Variants in NSUN4 observed in about 807,000 individuals in gnomAD.
The protein encoded by NSUN4 is 5-cytosine rRNA methyltransferase NSUN4.
NSUN4 carries 31 observed loss-of-function variants against 43.8 expected under a neutral mutation model. That is an observed-to-expected ratio of 0.71 (90% CI 0.53 to 0.96). The LOEUF (loss-of-function observed/expected upper bound fraction) is 0.96. Among genes scored for constraint, NSUN4 ranks in the 40% least tolerant of loss-of-function variants. The probability of loss-of-function intolerance (pLI) is 0.00; values close to 1 mark genes in which losing one functional copy is unlikely to be tolerated. For missense variants in NSUN4, 439 were observed against 475.6 expected (o/e 0.92, Z 0.72); for synonymous variants, 167 against 184.1 (o/e 0.91, Z 0.75).
intron 4 of NSUN4, among the ~76,000 whole-genome samples, chr1:46,358,671 A>T (rs1663577921): frequency 6.6e-6 from 1 of 152,088 alleles, no homozygotes; most frequent in Admixed American, 6.5e-5. Context: ...AAGTGCTGGA[A>T]TTACAGGTAT....
chr1:46,356,014 CAAAA>C (rs56024628), intron 4 of NSUN4, among the ~76,000 whole-genome samples: 3 of 123,708 alleles, frequency 2.4e-5, no homozygotes, highest in African/African-American at 3.2e-5. Flanking sequence ...GACTTTGTCT[CAAAA>C]AAAAAAAAAA....
Position 46,342,858 on chromosome 1 carries a change from G to A in NSUN4, c.93+1939G>A, listed in dbSNP as rs1306058202. On this transcript the variant is annotated intron_variant, in intron 1 of 5. Coordinates refer to ENST00000474844, the MANE Select transcript of NSUN4 (RefSeq NM_199044.4). The stretch of plus-strand genomic sequence containing the variant: ...CACCCCTTCTGGCCAGCCCAAGCCC[G>A]CTAAGGCCCACACCTGTCCCCCACC... The A allele has an allele frequency of 4.0e-5, 16 of 399,044 alleles. No individual in the cohort carries two copies. The East Asian group carries it at 5.7e-4, about 14-fold the overall frequency. 24.7% of individuals were successfully genotyped at this position (399,044 alleles called of 1,614,324 possible).
At chr1:46,357,716 C>CTT (rs962341225) in intron 4 of NSUN4, among the ~76,000 whole-genome samples, 4 of 147,960 alleles carry the variant, frequency 2.7e-5, no homozygotes, top group African/African-American at 7.4e-5. Context: ...ACTCCTACAG[C>CTT]TTTTTTTTTT....
At chr1:46,374,595 G>A in the NSUN4 span, among the ~76,000 whole-genome samples, 1 of 151,576 alleles carries the variant, frequency 6.6e-6, no homozygotes, top group Admixed American at 6.6e-5. Flanking sequence ...GACAACAGAG[G>A]GAGACTCTGT....
rs867686628 is a variant in NSUN4 at position 46,360,261 on chromosome 1, T to A, written c.754-443T>A. ...AAAAAAAAAAAAAAATATATATATATATATATATATATATATGTAAATTAG... is the reference window on the plus strand; with the variant it reads ...AAAAAAAAAAAAAAATATATATATAAATATATATATATATATGTAAATTAG... On this transcript the variant is annotated intron_variant, in intron 4 of 5. Coordinates refer to ENST00000474844, the MANE Select transcript of NSUN4 (RefSeq NM_199044.4). Among the ~76,000 whole-genome samples the A allele has an allele frequency of 1.6e-3, 144 of 91,684 alleles. 1 individual carries two copies. Among genetic ancestry groups the A allele is most frequent in the South Asian group, 5.3e-3 (11 of 2,092 alleles). 60.1% of individuals were successfully genotyped at this position (91,684 alleles called of 152,430 possible).
chr1:46,360,015 G>A (rs530799933), intron 4 of NSUN4, among the ~76,000 whole-genome samples: 17 of 150,922 alleles, frequency 1.1e-4, no homozygotes, highest in Non-Finnish European at 2.2e-4. Context: ...AGATCATGAG[G>A]TCAGGAGATC....
At chr1:46,365,510 C>A (rs1664114428), downstream of NSUN4, among the ~76,000 whole-genome samples, 1 of 151,862 alleles carries the variant, frequency 6.6e-6, no homozygotes, top group Admixed American at 6.6e-5. Flanking sequence ...TGGTTAATTT[C>A]TTTGTATTTT....
intron 3 of NSUN4, among the ~76,000 whole-genome samples, chr1:46,351,282 T>C (rs1662959197): frequency 6.6e-6 from 1 of 152,174 alleles, no homozygotes; most frequent in African/African-American, 2.4e-5. Context: ...GAGAATCGCT[T>C]GAACCCGGGA....
chr1:46,341,333 C>A, intron 1 of NSUN4: 2 of 1,006,074 alleles, frequency 2.0e-6, no homozygotes, highest in Non-Finnish European at 2.4e-6. Context: ...CCCGGTCGCC[C>A]TCACCCCTCG....
chr1:46,354,164 T>A (rs1333975877), intron 4 of NSUN4, among the ~76,000 whole-genome samples: 1 of 151,886 alleles, frequency 6.6e-6, no homozygotes, highest in Non-Finnish European at 1.5e-5. Context: ...TGGAGTACAG[T>A]GGTGTGAACA....
intron 5 of NSUN4, 137 bp from the exon 6 acceptor site, chr1:46,361,433 G>T (rs914437611): frequency 9.6e-6 from 7 of 725,800 alleles, no homozygotes; most frequent in Non-Finnish European, 1.6e-5. Context: ...TGTCATTGTG[G>T]AAGGGACTTG....
chr1:46,343,797 C>A, intron 1 of NSUN4: 1 of 401,016 alleles, frequency 2.5e-6, no homozygotes, highest in South Asian at 1.3e-4. Flanking sequence ...GAGCAAGAGT[C>A]TATGATGGCA....
rs1662542261 is a variant in NSUN4, at chr1:46,346,867, C to T, written c.438-54C>T. On this transcript the variant is annotated intron_variant, in intron 2 of 5. Coordinates refer to ENST00000474844, the MANE Select transcript of NSUN4 (RefSeq NM_199044.4). ...GGCATAGACTTGGTGGCCTAGACTC[C>T]CAGTGGGTGTCCTGACCTGGAATTT... 12 of 1,519,800 alleles carry T rather than the reference C, an allele frequency of 7.9e-6. No homozygotes were observed. The South Asian group carries it at 1.3e-4, about 17-fold the overall frequency. 94.1% of individuals were successfully genotyped at this position (1,519,800 alleles called of 1,614,324 possible).
the NSUN4 span, among the ~76,000 whole-genome samples, chr1:46,380,509 T>A: frequency 2.6e-5 from 4 of 152,214 alleles, no homozygotes; most frequent in African/African-American, 9.7e-5. Context: ...TCCTCCATAC[T>A]GCCTTCTCAA....
In NSUN4 at chr1:46,360,665, A is replaced by G. The variant is rs574811566; in HGVS notation, c.754-39A>G. 3.1e-6 allele frequency: 5 copies of G among 1,605,610 alleles called. No homozygotes were observed. In the East Asian group the frequency reaches 1.1e-4, roughly 36 times the overall value. ...TCTGGCCTAAGGAAGAGAAGCCTAT[A>G]AGGATCTTTAATACTTTACCCTTTA... On this transcript the variant is annotated intron_variant, in intron 4 of 5. Coordinates refer to ENST00000474844, the MANE Select transcript of NSUN4 (RefSeq NM_199044.4).
the NSUN4 span, among the ~76,000 whole-genome samples, chr1:46,377,547 A>G: frequency 1.3e-5 from 2 of 152,214 alleles, no homozygotes; most frequent in East Asian, 1.9e-4. Context: ...TCCCACATCA[A>G]CTTGGATAGA....
downstream of NSUN4, among the ~76,000 whole-genome samples, chr1:46,368,390 G>A (rs1267961954): frequency 1.3e-5 from 2 of 152,176 alleles, no homozygotes; most frequent in African/African-American, 4.8e-5. Flanking sequence ...GACCAGTAAA[G>A]TCTGGTGGAA....
Position 46,346,908 on chromosome 1 carries a change from TC to T in NSUN4, c.438-11del, listed in dbSNP as rs1440281649. On this transcript the variant is annotated splice_polypyrimidine_tract_variant and intron_variant, in intron 2 of 5. Transcript: ENST00000474844. ...CCTGGAATTTAACAATAAAGTGGTC[TC>T]CTCTTTTCCAGACCTGGCAGCCTGG... is the stretch of plus-strand genomic sequence containing the variant. The T allele has an allele frequency of 3.1e-6, 5 of 1,609,732 alleles. No homozygotes were observed. The highest frequency in any genetic ancestry group is 3.3e-4 in the Middle Eastern group (2 of 6,044).
chr1:46,354,138 A>G (rs1016384475), intron 4 of NSUN4, among the ~76,000 whole-genome samples: 20 of 150,890 alleles, frequency 1.3e-4, no homozygotes, highest in African/African-American at 4.9e-4. Context: ...GCAGGTTTTC[A>G]CTTTGTCACC....
Sources: allele counts gnomAD v4.1 joint callset (sites outside exome capture counted in the v4.1 genomes callset), GRCh38; gene constraint gnomAD v4.1.1; transcripts MANE v1.5; gene names NCBI Gene and HGNC (gene_info 2026-07-23, HGNC 2026-07-21).